Variants in DTNA observed in about 807,000 individuals in gnomAD.
DTNA encodes the protein dystrophin-related protein 3.
In DTNA, 43 loss-of-function variants were observed where a neutral mutation model predicts 100.7. The observed-to-expected ratio is 0.43, with a 90% CI of 0.33 to 0.55. The LOEUF (loss-of-function observed/expected upper bound fraction) is 0.55, where lower values mean the gene tolerates loss of function less well. Ranked by LOEUF, DTNA falls within the 20% of genes least tolerant of loss-of-function variation. The pLI, the probability that DTNA is intolerant of heterozygous loss-of-function variation, is 0.04. For synonymous variants in DTNA, 349 were observed against 347.9 expected (o/e 1.00, Z -0.04); for missense variants, 798 against 953.9 (o/e 0.84, Z 2.15).
intron 2 of DTNA, among the ~76,000 whole-genome samples, chr18:34,758,225 G>A (rs193197874): frequency 6.6e-6 from 1 of 152,262 alleles, no homozygotes; most frequent in East Asian, 1.9e-4. Context: ...TAACTTCTAG[G>A]AATCTGTGCT....
intron 1 of DTNA, among the ~76,000 whole-genome samples, chr18:34,533,000 A>G (rs1035935872): frequency 2.6e-5 from 4 of 152,014 alleles, no homozygotes; most frequent in Non-Finnish European, 5.9e-5. Context: ...GCGAGAATGC[A>G]GGACACTTAT....
intron 1 of DTNA, among the ~76,000 whole-genome samples, chr18:34,741,147 G>T (rs2090577557): frequency 6.6e-6 from 1 of 152,146 alleles, no homozygotes; most frequent in African/African-American, 2.4e-5. Flanking sequence ...CATAATAAAA[G>T]GATGTGATAT....
In DTNA at chr18:34,616,850, T is replaced by G. The variant is rs1459199306; in HGVS notation, c.-2+123336T>G. Reference sequence around the variant, plus strand: ...TGTAGAGATCTTTCACCTCCCTGGCTAGCTGTATTCTTAGGTATTTTATCT... The same window carrying G: ...TGTAGAGATCTTTCACCTCCCTGGCGAGCTGTATTCTTAGGTATTTTATCT... On this transcript the variant is annotated intron_variant, in intron 1 of 19. Coordinates refer to the DTNA transcript ENST00000283365. 2.0e-5 allele frequency among the ~76,000 whole-genome samples: 3 copies of G among 152,164 alleles called. No homozygotes were observed. In the East Asian group the frequency reaches 5.8e-4, roughly 29 times the overall value.
chr18:34,838,226 G>A, intron 12 of DTNA, 55 bp downstream of exon 12: 2 of 1,580,710 alleles, frequency 1.3e-6, no homozygotes, highest in Admixed American at 1.7e-5. Context: ...TAAAAATGGA[G>A]ATTTCTTTTG....
chr18:34,668,978 C>A (rs1190654838), intron 1 of DTNA, among the ~76,000 whole-genome samples: 1 of 152,066 alleles, frequency 6.6e-6, no homozygotes, highest in Non-Finnish European at 1.5e-5. Flanking sequence ...TCCTGGATAT[C>A]CTTGTTAACT....
chr18:34,549,072 C>T (rs2045112020), intron 1 of DTNA, among the ~76,000 whole-genome samples: 1 of 152,066 alleles, frequency 6.6e-6, no homozygotes, highest in Non-Finnish European at 1.5e-5. Flanking sequence ...AAAGAAATGT[C>T]ATCTAGAGCT....
chr18:34,579,479 T>G (rs2048416454), intron 1 of DTNA, among the ~76,000 whole-genome samples: 1 of 152,220 alleles, frequency 6.6e-6, no homozygotes, highest in Admixed American at 6.5e-5. Flanking sequence ...AGTATGTATT[T>G]GCTAAAAATA....
At chr18:34,869,616 A>G (rs1192983941) in intron 17 of DTNA, among the ~76,000 whole-genome samples, 1 of 152,270 alleles carries the variant, frequency 6.6e-6, no homozygotes, top group Admixed American at 6.5e-5. Context: ...TGCCAGTAAC[A>G]GATGTTCTAT....
Position 34,527,172 on chromosome 18 carries a change from A to C in DTNA, c.-2+33658A>C, listed in dbSNP as rs180958828. Among the ~76,000 whole-genome samples the C allele has an allele frequency of 4.9e-4, 75 of 152,116 alleles. No individual in the cohort carries two copies. The East Asian group carries it at 0.014, about 28-fold the overall frequency. On this transcript the variant is annotated intron_variant, in intron 1 of 19. Coordinates refer to the DTNA transcript ENST00000283365. The stretch of plus-strand genomic sequence containing the variant: ...GGTATATGTGTGTATGGAAATGTGC[A>C]GTATGTGTGTTTCCATACTTGGATC...
rs556499899 is a variant in DTNA, at chr18:34,587,534, A to G, written c.-2+94020A>G. On this transcript the variant is annotated intron_variant, in intron 1 of 19. Coordinates refer to the DTNA transcript ENST00000283365. The stretch of plus-strand genomic sequence containing the variant: ...TACAAATTTATATAAAATATATTTG[A>G]TATAAAGTATATATTTACACATTTT... Among the ~76,000 whole-genome samples the G allele has an allele frequency of 1.9e-3, 285 of 152,214 alleles. 1 individual carries two copies. Among genetic ancestry groups the G allele is most frequent in the African/African-American group, 6.3e-3 (262 of 41,562 alleles).
At chr18:34,634,422 ATAATT>A (rs905244952) in intron 1 of DTNA, among the ~76,000 whole-genome samples, 1 of 152,220 alleles carries the variant, frequency 6.6e-6, no homozygotes, top group African/African-American at 2.4e-5. Context: ...AAAATAAACT[ATAATT>A]TATAAACAAA....
intron 1 of DTNA, among the ~76,000 whole-genome samples, chr18:34,663,404 A>G (rs1453844186): frequency 6.6e-6 from 1 of 152,132 alleles, no homozygotes; most frequent in Admixed American, 6.5e-5. Context: ...GGCTCAAGCG[A>G]TTCTCCTGCC....
intron 13 of DTNA, among the ~76,000 whole-genome samples, chr18:34,844,125 A>T (rs2096328947): frequency 6.6e-6 from 1 of 152,142 alleles, no homozygotes; most frequent in Non-Finnish European, 1.5e-5. Context: ...GTAGAAGGAA[A>T]TGGAGGAGTC....
chr18:34,519,411 A>T lies in DTNA; in HGVS notation c.-2+25897A>T, dbSNP rs540362115. On this transcript the variant is annotated intron_variant, in intron 1 of 19. Transcript: ENST00000283365. ...GAGCTTTGGTGCACTTCAGGTATGA[A>T]TCTGAAATAGAGTGATTCTGATTAC... 1.1e-3 allele frequency among the ~76,000 whole-genome samples: 166 copies of T among 152,246 alleles called. 1 individual carries two copies. Among genetic ancestry groups the T allele is most frequent in the Non-Finnish European group, 1.7e-3 (116 of 68,010 alleles).
At chr18:34,823,989 G>T (rs1337417316) in intron 9 of DTNA, among the ~76,000 whole-genome samples, 1 of 152,150 alleles carries the variant, frequency 6.6e-6, no homozygotes, top group African/African-American at 2.4e-5. Context: ...TGTTGATTTT[G>T]TAAATTAATA....
chr18:34,614,771 A>G (rs948363634), intron 1 of DTNA, among the ~76,000 whole-genome samples: 2 of 152,254 alleles, frequency 1.3e-5, no homozygotes, highest in African/African-American at 2.4e-5. Context: ...TTCATGAGAT[A>G]GAACCTATTC....
At chr18:34,698,971 A>G (rs2080992211) in intron 1 of DTNA, among the ~76,000 whole-genome samples, 1 of 150,426 alleles carries the variant, frequency 6.6e-6, no homozygotes, top group African/African-American at 2.5e-5. Flanking sequence ...AATCATCACA[A>G]CAGTCATTGG....
At chr18:34,547,744 A>G (rs2044955349) in intron 1 of DTNA, among the ~76,000 whole-genome samples, 1 of 152,182 alleles carries the variant, frequency 6.6e-6, no homozygotes, top group Admixed American at 6.5e-5. Context: ...TTTGAAAATC[A>G]CTTCTAAAAA....
At chr18:34,585,255 AAACAAC>A (rs1342805193) in intron 1 of DTNA, among the ~76,000 whole-genome samples, 4 of 152,154 alleles carry the variant, frequency 2.6e-5, no homozygotes, top group Admixed American at 2.6e-4. Context: ...GGGTACTAAA[AAACAAC>A]AACAACAACA....
Sources: allele counts gnomAD v4.1 joint callset (sites outside exome capture counted in the v4.1 genomes callset), GRCh38; gene constraint gnomAD v4.1.1; transcripts MANE v1.5; gene names NCBI Gene and HGNC (gene_info 2026-07-23, HGNC 2026-07-21).